The following CHN2 variants were observed in gnomAD, a reference collection of about 807,000 sequenced individuals.
CHN2 encodes chimerin 2, also known as beta-chimaerin.
In CHN2, 35 loss-of-function variants were observed where a neutral mutation model predicts 56.3. That is an observed-to-expected ratio of 0.62 (90% CI 0.47 to 0.82). CHN2 has a LOEUF of 0.82. Ranked by LOEUF, CHN2 falls within the 40% of genes least tolerant of loss-of-function variation. CHN2 has a pLI of 0.00. For synonymous variants in CHN2, 210 were observed against 212.8 expected (o/e 0.99, Z 0.12); for missense variants, 491 against 580.5 (o/e 0.85, Z 1.58).
At chr7:29,363,478 C>G (rs1798894079) in intron 2 of CHN2, among the ~76,000 whole-genome samples, 1 of 152,140 alleles carries the variant, frequency 6.6e-6, no homozygotes, top group South Asian at 2.1e-4. Flanking sequence ...GAGCAAGCCT[C>G]CATCTCAAAC....
At chr7:29,385,813 A>G (rs559164823) in intron 3 of CHN2, among the ~76,000 whole-genome samples, 1 of 152,348 alleles carries the variant, frequency 6.6e-6, no homozygotes, top group Admixed American at 6.5e-5. Flanking sequence ...TTGGGGGCAG[A>G]AGTGAAGCCA....
rs73305013 is a variant in CHN2, at chr7:29,344,318, G to A, written c.50-10307G>A. Among the ~76,000 whole-genome samples, 805 of 152,232 alleles carry A rather than the reference G, an allele frequency of 5.3e-3. 4 individuals are homozygous for A. Among genetic ancestry groups the A allele is most frequent in the African/African-American group, 0.018 (767 of 41,534 alleles). On this transcript the variant is annotated intron_variant, in intron 1 of 12. Coordinates refer to ENST00000222792, the MANE Select transcript of CHN2 (RefSeq NM_004067.4). Reference sequence around the variant, plus strand: ...ACTGCAATGATCCTTCTCAAATACAGTCTGGACTCTGTATTATCCCCGCTT... The same window carrying A: ...ACTGCAATGATCCTTCTCAAATACAATCTGGACTCTGTATTATCCCCGCTT...
intron 3 of CHN2, among the ~76,000 whole-genome samples, chr7:29,370,151 G>C (rs1799493143): frequency 6.6e-6 from 1 of 152,188 alleles, no homozygotes; most frequent in African/African-American, 2.4e-5. Flanking sequence ...TGGTCCTCCA[G>C]TGTGATGTTA....
At chr7:29,278,812 A>G (rs933700297) in intron 1 of CHN2, among the ~76,000 whole-genome samples, 1 of 151,868 alleles carries the variant, frequency 6.6e-6, no homozygotes, top group East Asian at 1.9e-4. Flanking sequence ...CCCCATAAGG[A>G]GTTAAAATTG....
chr7:29,508,933 G>A (rs1790945314), intron 11 of CHN2, among the ~76,000 whole-genome samples: 1 of 149,690 alleles, frequency 6.7e-6, no homozygotes, highest in Non-Finnish European at 1.5e-5. Context: ...ATGTGGTGCA[G>A]TTTAAATTAA....
At chr7:29,368,042 C>T in intron 3 of CHN2, 55 bp downstream of exon 3, 1 of 1,456,144 alleles carries the variant, frequency 6.9e-7, no homozygotes, top group South Asian at 1.3e-5. Context: ...ATTGTCAGCA[C>T]TATGTAGAGA....
chr7:29,346,193 G>A (rs1326791274), intron 1 of CHN2, among the ~76,000 whole-genome samples: 1 of 152,158 alleles, frequency 6.6e-6, no homozygotes, highest in African/African-American at 2.4e-5. Context: ...GGCCGTGCTG[G>A]CCTGACAAGA....
At chr7:29,160,544 A>G (rs1482142063) in intron 2 of CHN2, among the ~76,000 whole-genome samples, 2 of 152,182 alleles carry the variant, frequency 1.3e-5, no homozygotes, top group Non-Finnish European at 2.9e-5. Flanking sequence ...TCAGTGAAAT[A>G]TAATGAGAAT....
At position 29,355,764 on chromosome 7, in the gene CHN2, A is replaced by G. The variant is rs1464871057; in HGVS notation, c.88+1101A>G. Among the ~76,000 whole-genome samples the G allele has an allele frequency of 3.7e-5, 5 of 136,948 alleles. No homozygotes were observed. In the Admixed American group the frequency reaches 3.8e-4, roughly 10 times the overall value. The allele number at this position is 136,948 out of a possible 152,430, so 89.8% of individuals were successfully genotyped here. On this transcript the variant is annotated intron_variant, in intron 2 of 12. Coordinates refer to ENST00000222792, the MANE Select transcript of CHN2 (RefSeq NM_004067.4). ...CGAATTCTTACCACAACTCTCACAG[A>G]TGGGACTATTTTTTTTTTTTTTTTT... is the stretch of plus-strand genomic sequence containing the variant.
rs912509717 is a variant in CHN2 at position 29,339,866 on chromosome 7, T to A, written c.50-14759T>A. On this transcript the variant is annotated intron_variant, in intron 1 of 12. Transcript: ENST00000222792. Reference sequence around the variant, plus strand: ...GAAACTCCGTCTCAAAAAAAAAAAATAATAACAATACTGTATATAATAATA... The same window carrying A: ...GAAACTCCGTCTCAAAAAAAAAAAAAAATAACAATACTGTATATAATAATA... Among the ~76,000 whole-genome samples, 37 of 150,928 alleles carry A rather than the reference T, an allele frequency of 2.5e-4. No homozygotes were observed. In the South Asian group the frequency reaches 2.5e-3, roughly 10 times the overall value.
intron 1 of CHN2, among the ~76,000 whole-genome samples, chr7:29,329,592 C>T (rs901690741): frequency 5.9e-5 from 9 of 152,014 alleles, no homozygotes; most frequent in African/African-American, 1.9e-4. Context: ...ATAATTTCAC[C>T]GCCCTCACTC....
chr7:29,320,350 C>T (rs183742111), intron 1 of CHN2, among the ~76,000 whole-genome samples: 11 of 152,236 alleles, frequency 7.2e-5, no homozygotes, highest in Admixed American at 4.6e-4. Flanking sequence ...GTCACCCCCT[C>T]GCCCCCTGCA....
At chr7:29,155,740 C>A (rs752924221) in intron 2 of CHN2, among the ~76,000 whole-genome samples, 3 of 152,182 alleles carry the variant, frequency 2.0e-5, no homozygotes, top group Non-Finnish European at 2.9e-5. Flanking sequence ...CCTCCCTCAT[C>A]GGGAGCCAGG....
At chr7:29,394,876 C>T (rs970971311) in intron 4 of CHN2, among the ~76,000 whole-genome samples, 1 of 152,190 alleles carries the variant, frequency 6.6e-6, no homozygotes, top group Non-Finnish European at 1.5e-5. Context: ...TAATTCTCAT[C>T]TTCTTACCCC....
At position 29,430,383 on chromosome 7, in the gene CHN2, A is replaced by G. The variant is rs148689816; in HGVS notation, c.576+29555A>G. On this transcript the variant is annotated intron_variant, in intron 6 of 12. Coordinates refer to ENST00000222792, the MANE Select transcript of CHN2 (RefSeq NM_004067.4). ...AAATTTAACGCAGTTTAGTTGAGCAAAGAATGATTCTAGAATCAGGCAGTC... is the reference window on the plus strand; with the variant it reads ...AAATTTAACGCAGTTTAGTTGAGCAGAGAATGATTCTAGAATCAGGCAGTC... Among the ~76,000 whole-genome samples, 278 of 152,358 alleles carry G rather than the reference A, an allele frequency of 1.8e-3. 1 individual carries two copies. Among genetic ancestry groups the G allele is most frequent in the African/African-American group, 6.4e-3 (268 of 41,588 alleles).
At chr7:29,314,869 TTATA>T (rs1010026345) in intron 1 of CHN2, among the ~76,000 whole-genome samples, 2 of 150,540 alleles carry the variant, frequency 1.3e-5, no homozygotes, top group Non-Finnish European at 3.0e-5. Context: ...TATATTTGTT[TTATA>T]TATATATATA....
At chr7:29,425,246 G>A (rs1270635792) in intron 6 of CHN2, among the ~76,000 whole-genome samples, 6 of 152,190 alleles carry the variant, frequency 3.9e-5, no homozygotes, top group South Asian at 4.1e-4. Context: ...ATTTCCAGAT[G>A]AGTGCATTGT....
At chr7:29,435,120 CA>C (rs909662455) in intron 6 of CHN2, among the ~76,000 whole-genome samples, 2 of 151,996 alleles carry the variant, frequency 1.3e-5, no homozygotes, top group Admixed American at 6.6e-5. Context: ...AGCAAACAAA[CA>C]AAAAAACCAA....
intron 7 of CHN2, among the ~76,000 whole-genome samples, chr7:29,480,569 C>G (rs1787082743): frequency 6.6e-6 from 1 of 152,336 alleles, no homozygotes; most frequent in South Asian, 2.1e-4. Flanking sequence ...CTGGAAACAC[C>G]TTATCTGGAT....
Sources: gnomAD v4.1 joint callset for allele counts (sites outside exome capture counted in the v4.1 genomes callset) on GRCh38, gnomAD v4.1.1 for gene constraint, MANE v1.5 for transcripts, NCBI Gene and HGNC (gene_info 2026-07-23, HGNC 2026-07-21) for gene names.